CDH4: variants seen among roughly 807,000 people sequenced by gnomAD.
CDH4 encodes cadherin 4.
In CDH4, 33 loss-of-function variants were observed where a neutral mutation model predicts 86.0. The observed-to-expected ratio is 0.38, with a 90% CI of 0.29 to 0.51. CDH4 has a LOEUF of 0.51. Among genes scored for constraint, CDH4 ranks in the 20% least tolerant of loss-of-function variants. The pLI is 0.86. For synonymous variants in CDH4, 555 were observed against 549.4 expected, an observed-to-expected ratio of 1.01 and a Z score of -0.14; for missense variants, 1,114 against 1,307.4, an observed-to-expected ratio of 0.85 and a Z score of 2.28.
intron 7 of CDH4, among the ~76,000 whole-genome samples, chr20:61,887,223 A>C (rs896159473): frequency 2.6e-5 from 4 of 152,142 alleles, no homozygotes; most frequent in African/African-American, 9.6e-5. Context: ...CCCTGCCTGG[A>C]CTTCAGAAGC....
intron 2 of CDH4, among the ~76,000 whole-genome samples, chr20:61,515,337 G>T (rs1195096452): frequency 6.6e-6 from 1 of 152,170 alleles, no homozygotes; most frequent in Non-Finnish European, 1.5e-5. Context: ...AAAGGACGCC[G>T]CAGTCCCCAA....
intron 7 of CDH4, among the ~76,000 whole-genome samples, chr20:61,891,553 C>T (rs1391550653): frequency 6.6e-6 from 1 of 152,256 alleles, no homozygotes; most frequent in Admixed American, 6.5e-5. Context: ...TCCGAGAGGC[C>T]CCTGACACCT....
At chr20:61,317,077 C>T (rs940803445) in intron 2 of CDH4, among the ~76,000 whole-genome samples, 27 of 151,268 alleles carry the variant, frequency 1.8e-4, no homozygotes, top group African/African-American at 6.3e-4. Flanking sequence ...ATCTGAATAC[C>T]ATGTTCAAAT....
At chr20:61,441,917 C>G (rs1288359387) in intron 2 of CDH4, among the ~76,000 whole-genome samples, 1 of 152,154 alleles carries the variant, frequency 6.6e-6, no homozygotes, top group East Asian at 1.9e-4. Context: ...TCTCTCCAAC[C>G]CTTCTTTACT....
chr20:61,652,663 G>A (rs980829104), intron 2 of CDH4, among the ~76,000 whole-genome samples: 7 of 151,838 alleles, frequency 4.6e-5, no homozygotes, highest in Non-Finnish European at 1.0e-4. Flanking sequence ...AGAAAAACCC[G>A]ATTCCATACA....
intron 1 of CDH4, among the ~76,000 whole-genome samples, chr20:61,254,412 G>T (rs2084085979): frequency 6.6e-6 from 1 of 152,232 alleles, no homozygotes; most frequent in Non-Finnish European, 1.5e-5. Context: ...AGAGCGGTGG[G>T]CCTAAAGCGC....
At chr20:61,891,112 TAGG>T (rs1984800226) in intron 7 of CDH4, among the ~76,000 whole-genome samples, 1 of 151,792 alleles carries the variant, frequency 6.6e-6, no homozygotes, top group Non-Finnish European at 1.5e-5. Flanking sequence ...GGGGCAGGGA[TAGG>T]AGGTGTGGGG....
chr20:61,925,346 A>C (rs2055033688), intron 11 of CDH4, among the ~76,000 whole-genome samples: 1 of 152,174 alleles, frequency 6.6e-6, no homozygotes, highest in Admixed American at 6.5e-5. Context: ...CTGGAACCGA[A>C]GATCAGTCCA....
chr20:61,707,479 C>T (rs1011926638), intron 2 of CDH4, among the ~76,000 whole-genome samples: 7 of 152,198 alleles, frequency 4.6e-5, no homozygotes, highest in East Asian at 3.9e-4. Flanking sequence ...TGGGTGAACG[C>T]GGGATGTGGA....
intron 3 of CDH4, among the ~76,000 whole-genome samples, chr20:61,764,417 CTG>C (rs550427987): frequency 2.6e-3 from 399 of 152,294 alleles, no homozygotes; most frequent in African/African-American, 9.1e-3. Flanking sequence ...GGATTGGTGA[CTG>C]TATCCCTGGG....
chr20:61,739,440 G>A (rs769874040), intron 2 of CDH4, among the ~76,000 whole-genome samples: 2 of 152,328 alleles, frequency 1.3e-5, no homozygotes, highest in African/African-American at 4.8e-5. Flanking sequence ...GACACGGGAG[G>A]ACATGGGAAT....
At chr20:61,802,076 C>T (rs8114557) in intron 4 of CDH4, among the ~76,000 whole-genome samples, 22,080 of 152,224 alleles carry the variant, frequency 0.15, 1,707 homozygotes, top group Non-Finnish European at 0.16. Flanking sequence ...CCCCTTTGTC[C>T]GGCAATGTCC....
At chr20:61,656,581 C>T (rs1042646419) in intron 2 of CDH4, among the ~76,000 whole-genome samples, 12 of 152,088 alleles carry the variant, frequency 7.9e-5, no homozygotes, top group African/African-American at 2.2e-4. Context: ...GGTCAGTGTG[C>T]GTCGTCAGGC....
intron 2 of CDH4, among the ~76,000 whole-genome samples, chr20:61,436,796 C>G (rs565085501): frequency 6.6e-6 from 1 of 152,170 alleles, no homozygotes; most frequent in African/African-American, 2.4e-5. Flanking sequence ...GTCTTTCTGG[C>G]GACCAGCCTC....
intron 2 of CDH4, among the ~76,000 whole-genome samples, chr20:61,394,638 A>G (rs979168568): frequency 8.7e-5 from 13 of 150,210 alleles, no homozygotes; most frequent in African/African-American, 3.3e-4. Context: ...CTGAGCAGTC[A>G]GGGGGCAGAT....
chr20:61,362,425 C>G (rs1035298412), intron 2 of CDH4, among the ~76,000 whole-genome samples: 6 of 148,676 alleles, frequency 4.0e-5, no homozygotes, highest in Non-Finnish European at 7.4e-5. Context: ...GAGACGTGGC[C>G]TAGGACAGTG....
chr20:61,636,177 C>T (rs1293068113), intron 2 of CDH4, among the ~76,000 whole-genome samples: 2 of 152,200 alleles, frequency 1.3e-5, no homozygotes, highest in East Asian at 1.9e-4. Flanking sequence ...GGCTAATGGC[C>T]GTTGCTGAAA....
At chr20:61,935,834 C>T (rs573501743) in intron 15 of CDH4, among the ~76,000 whole-genome samples, 1 of 152,222 alleles carries the variant, frequency 6.6e-6, no homozygotes, top group South Asian at 2.1e-4. Flanking sequence ...TACAGTGAGC[C>T]AAGGTCGCAC....
At chr20:61,571,477 G>A (rs146953309) in intron 2 of CDH4, among the ~76,000 whole-genome samples, 159 of 152,286 alleles carry the variant, frequency 1.0e-3, no homozygotes, top group Non-Finnish European at 1.9e-3. Context: ...CGTGGGCCAC[G>A]TGATCAGAGC....
Sources: allele counts gnomAD v4.1 joint callset (sites outside exome capture counted in the v4.1 genomes callset), GRCh38; gene constraint gnomAD v4.1.1; transcripts MANE v1.5; gene names NCBI Gene and HGNC (gene_info 2026-07-23, HGNC 2026-07-21).